USP39: variants seen among roughly 807,000 people sequenced by gnomAD.
USP39 encodes the protein ubiquitin carboxyl-terminal hydrolase 39.
In USP39, 38 loss-of-function variants were observed where a neutral mutation model predicts 66.4. The ratio of observed to expected loss-of-function variants is 0.57; its 90% CI spans 0.44 to 0.75. USP39 has a LOEUF of 0.75. USP39 is among the 30% of genes least tolerant of loss of function. The pLI is 0.00. For synonymous variants in USP39, 303 were observed against 274.6 expected (o/e 1.10, Z -1.02); for missense variants, 608 against 714.4 (o/e 0.85, Z 1.70).
At position 85,616,201 on chromosome 2, in the gene USP39, C is replaced by T. The variant is rs765230444; in HGVS notation, c.6C>T (p.Ser2=). 8 of 1,450,858 alleles carry T rather than the reference C, an allele frequency of 5.5e-6. No homozygotes were observed. The highest frequency in any genetic ancestry group is 2.2e-4 in the Middle Eastern group (1 of 4,536). The allele number at this position is 1,450,858 out of a possible 1,614,324, so 89.9% of individuals were successfully genotyped here. A position where few individuals can be genotyped will look rare whatever the true frequency, so the allele number is the denominator to read the frequency against. ...CGACTCGGCCGGTAGTGGAGATGTCCGGCCGGTCTAAGCGGGAGTCTCGCG... is the reference window on the plus strand; with the variant it reads ...CGACTCGGCCGGTAGTGGAGATGTCTGGCCGGTCTAAGCGGGAGTCTCGCG... The part of the protein sequence containing the change: M[S]GRSKRESRGS... Residue 2 remains serine (S), a synonymous_variant, in exon 1 of 13, where the codon TCC becomes TCT. Transcript: ENST00000323701.
At chr2:85,625,975 G>A (rs1246194541) in intron 5 of USP39, among the ~76,000 whole-genome samples, 1 of 151,902 alleles carries the variant, frequency 6.6e-6, no homozygotes, top group Non-Finnish European at 1.5e-5. Flanking sequence ...CCGAGATCGC[G>A]CCACTGCACT....
intron 11 of USP39, among the ~76,000 whole-genome samples, chr2:85,646,806 G>A (rs1345364566): frequency 6.6e-6 from 1 of 151,512 alleles, no homozygotes; most frequent in Non-Finnish European, 1.5e-5. Flanking sequence ...TTGTAGCACT[G>A]GTTTCTTAGG....
chr2:85,621,628 T>C (rs1180434266), intron 3 of USP39, 49 bp downstream of exon 3: 7 of 1,407,842 alleles, frequency 5.0e-6, no homozygotes, highest in Non-Finnish European at 5.9e-6. Flanking sequence ...GAGGGACTTT[T>C]TTTTTTTTTT....
In USP39 at chr2:85,618,561, C is replaced by CA. The variant is rs759260772; in HGVS notation, c.269-646dup. Among the ~76,000 whole-genome samples the CA allele has an allele frequency of 9.4e-3, 531 of 56,650 alleles. 3 individuals carry two copies. Among genetic ancestry groups the CA allele is most frequent in the African/African-American group, 0.02 (314 of 15,510 alleles). The allele number at this position is 56,650 out of a possible 152,430, so 37.2% of individuals were successfully genotyped here. A position where few individuals can be genotyped will look rare whatever the true frequency, so the allele number is the denominator to read the frequency against. On this transcript the variant is annotated intron_variant, in intron 1 of 12. Transcript: ENST00000323701. ...TGGGGGACAGAGCGAGACTCCGTCT[C>CA]AAAAAAAAAAAAACAAAAAAAAAAC...
chr2:85,625,574 T>C lies in USP39; in HGVS notation c.606T>C (p.Ile202=). 1 of 1,614,114 alleles carries C rather than the reference T, an allele frequency of 6.2e-7. No homozygotes were observed. The highest frequency in any genetic ancestry group is 8.5e-7 in the Non-Finnish European group (1 of 1,179,962). The part of the protein sequence containing the change: ...VLKPTFTKQQ[I]ANLDKQAKLS... Reference sequence around the variant, plus strand: ...AGCCCACTTTCACAAAGCAGCAAATTGCAAACTTGGACAAGCAAGCCAAAT... The same window carrying C: ...AGCCCACTTTCACAAAGCAGCAAATCGCAAACTTGGACAAGCAAGCCAAAT... Residue 202 remains isoleucine, a synonymous_variant, in exon 5 of 13, where the codon ATT becomes ATC. Transcript: ENST00000323701.
intron 9 of USP39, among the ~76,000 whole-genome samples, chr2:85,640,719 TGCCTCG>T (rs998040819): frequency 1.3e-5 from 2 of 150,184 alleles, no homozygotes; most frequent in African/African-American, 4.9e-5. Context: ...ATGATCCCCC[TGCCTCG>T]GCCTCCTACA....
upstream of USP39, among the ~76,000 whole-genome samples, chr2:85,613,394 C>T (rs1673702932): frequency 6.6e-6 from 1 of 152,078 alleles, no homozygotes; most frequent in Non-Finnish European, 1.5e-5. Context: ...TGCTTGTAAT[C>T]CCAGCTACTT....
chr2:85,623,151 G>A (rs1490904593), intron 3 of USP39, among the ~76,000 whole-genome samples: 1 of 152,086 alleles, frequency 6.6e-6, no homozygotes, highest in Non-Finnish European at 1.5e-5. Flanking sequence ...GAAAGGAGTA[G>A]CAACATGAAA....
intron 1 of USP39, among the ~76,000 whole-genome samples, chr2:85,605,507 C>T (rs967746545): frequency 3.9e-5 from 6 of 152,158 alleles, no homozygotes; most frequent in South Asian, 2.1e-4. Context: ...AGGGAAATTT[C>T]GGGTGGGTGC....
chr2:85,621,421 T>C (rs554972452), intron 2 of USP39, 64 bp from the exon 3 acceptor site: 1 of 1,415,992 alleles, frequency 7.1e-7, no homozygotes, highest in South Asian at 1.1e-5. Flanking sequence ...GAGCCAGCAC[T>C]GCTTCATTTG....
chr2:85,611,818 T>TCGGGC (rs755620398), upstream of USP39: 30 of 1,607,980 alleles, frequency 1.9e-5, no homozygotes, highest in African/African-American at 2.1e-4. Flanking sequence ...TCAGGGACTG[T>TCGGGC]CGGGCCGGGC....
chr2:85,639,819 A>T (rs1676092071), intron 9 of USP39: 1 of 154,070 alleles, frequency 6.5e-6, no homozygotes, highest in South Asian at 2.0e-4. Flanking sequence ...GACTTTATTG[A>T]GCCTCCCAGA....
chr2:85,637,455 G>A lies in USP39; in HGVS notation c.1095+19G>A. 6.2e-7 allele frequency: 1 copy of A among 1,613,110 alleles called. No individual in the cohort carries two copies. Among genetic ancestry groups the A allele is most frequent in the Non-Finnish European group, 8.5e-7 (1 of 1,179,078 alleles). Reference sequence around the variant, plus strand: ...TGATCTGGTGAGTTAATTGAGCCTGGGTCTTGGACTGATTCATATTGCTTG... The same window carrying A: ...TGATCTGGTGAGTTAATTGAGCCTGAGTCTTGGACTGATTCATATTGCTTG... On this transcript the variant is annotated intron_variant, in intron 8 of 12. Transcript: ENST00000323701.
chr2:85,643,051 A>G (rs1239093775), intron 10 of USP39, among the ~76,000 whole-genome samples: 1 of 151,860 alleles, frequency 6.6e-6, no homozygotes, highest in East Asian at 1.9e-4. Flanking sequence ...TGCCTGGACA[A>G]CATAGCAAGA....
upstream of USP39, chr2:85,607,604 T>C (rs1184169291): frequency 6.6e-6 from 1 of 152,180 alleles, no homozygotes; most frequent in Non-Finnish European, 1.5e-5. Flanking sequence ...AAGATTGAAG[T>C]AGCTACCTTG....
chr2:85,630,670 C>T, intron 5 of USP39, 51 bp from the exon 6 acceptor site: 2 of 1,557,652 alleles, frequency 1.3e-6, no homozygotes, highest in Non-Finnish European at 1.8e-6. Flanking sequence ...GAGCTTGGCT[C>T]AAGGGGTCCT....
intron 2 of USP39, among the ~76,000 whole-genome samples, chr2:85,619,541 T>C (rs193026475): frequency 1.3e-5 from 2 of 150,216 alleles, no homozygotes; most frequent in East Asian, 3.9e-4. Flanking sequence ...CAGTAGCACA[T>C]TGAAATGTTT....
At chr2:85,631,517 A>G (rs1041158461) in intron 6 of USP39, among the ~76,000 whole-genome samples, 1 of 151,830 alleles carries the variant, frequency 6.6e-6, no homozygotes, top group Admixed American at 6.6e-5. Flanking sequence ...TGTCCAGTGG[A>G]TAGTGTGGTT....
intron 1 of USP39, among the ~76,000 whole-genome samples, chr2:85,606,366 G>T (rs748527734): frequency 1.3e-5 from 2 of 152,232 alleles, no homozygotes; most frequent in Non-Finnish European, 2.9e-5. Context: ...ATTTTTGAAA[G>T]AAGTAGATGT....
Sources: allele counts gnomAD v4.1 joint callset (sites outside exome capture counted in the v4.1 genomes callset), GRCh38; gene constraint gnomAD v4.1.1; transcripts MANE v1.5; gene names NCBI Gene and HGNC (gene_info 2026-07-23, HGNC 2026-07-21).